The following ZMIZ1 variants were observed in gnomAD, a reference collection of about 807,000 sequenced individuals.
The protein encoded by ZMIZ1 is zinc finger MIZ domain-containing protein 1.
Under a neutral mutation model 113.9 loss-of-function variants are expected in ZMIZ1, and 17 were observed. The observed-to-expected ratio is 0.15, with a 90% CI of 0.10 to 0.22. The LOEUF is 0.22. Among genes scored for constraint, ZMIZ1 ranks in the 10% least tolerant of loss-of-function variants. ZMIZ1 has a pLI of 1.00. For synonymous variants in ZMIZ1, 607 were observed against 603.1 expected, an observed-to-expected ratio of 1.01 and a Z score of -0.09; for missense variants, 1,059 against 1,477.8, an observed-to-expected ratio of 0.72 and a Z score of 4.65.
rs531819050 is a variant in ZMIZ1, at chr10:79,203,439, C to T, written c.60+1747C>T. Among the ~76,000 whole-genome samples the T allele has an allele frequency of 1.2e-4, 18 of 152,228 alleles. No individual in the cohort carries two copies. In the South Asian group the frequency reaches 3.7e-3, roughly 32 times the overall value. The stretch of plus-strand genomic sequence containing the variant: ...GACGCCAAGACTCCCTCCTCCCCCA[C>T]ACTCCCTCCTCCCACTCAGGGTTCT... On this transcript the variant is annotated intron_variant, in intron 5 of 24. Transcript: ENST00000334512.
chr10:79,125,185 C>T (rs1015900997), intron 2 of ZMIZ1, among the ~76,000 whole-genome samples: 50 of 152,190 alleles, frequency 3.3e-4, no homozygotes, highest in Admixed American at 5.2e-4. Context: ...CAAGATAAAG[C>T]GACCGACGAT....
At position 79,260,706 on chromosome 10, in the gene ZMIZ1, A is replaced by G. The variant is rs554571173; in HGVS notation, c.281-16475A>G. Among the ~76,000 whole-genome samples the G allele has an allele frequency of 4.9e-4, 74 of 152,342 alleles. No homozygotes were observed. The Middle Eastern group carries it at 0.01, about 21-fold the overall frequency. The stretch of plus-strand genomic sequence containing the variant: ...AGAAATGGAACGGTGAGGTGGAATC[A>G]TCGGATGTGATGGGGAAACTGGGTT... On this transcript the variant is annotated intron_variant, in intron 7 of 24. Coordinates refer to ENST00000334512, the MANE Select transcript of ZMIZ1 (RefSeq NM_020338.4).
chr10:79,293,319 T>A, intron 11 of ZMIZ1, 62 bp from the exon 12 acceptor site: 2 of 1,429,066 alleles, frequency 1.4e-6, no homozygotes, highest in Non-Finnish European at 1.9e-6. Flanking sequence ...GCACTTTCAA[T>A]GCATGTGGCA....
intron 6 of ZMIZ1, among the ~76,000 whole-genome samples, chr10:79,210,740 C>T (rs997308214): frequency 6.6e-5 from 10 of 152,150 alleles, no homozygotes; most frequent in Non-Finnish European, 1.2e-4. Context: ...AAAGTCTGGG[C>T]ATTATTTGGA....
chr10:79,153,397 T>C (rs1845781864), intron 3 of ZMIZ1, among the ~76,000 whole-genome samples: 1 of 152,256 alleles, frequency 6.6e-6, no homozygotes, highest in African/African-American at 2.4e-5. Context: ...GGGAGGCACT[T>C]GCCTAGGTCA....
intron 7 of ZMIZ1, among the ~76,000 whole-genome samples, chr10:79,216,715 G>A (rs11002875): frequency 0.092 from 14,031 of 152,282 alleles, 767 homozygotes; most frequent in South Asian, 0.17. Context: ...GCCTAGGCCT[G>A]TACTTCAGAG....
chr10:79,131,716 A>T (rs1365425143), intron 2 of ZMIZ1, among the ~76,000 whole-genome samples: 1 of 151,692 alleles, frequency 6.6e-6, no homozygotes, highest in Non-Finnish European at 1.5e-5. Context: ...CTGCCCCCTG[A>T]GTTGGGGCTG....
At chr10:79,301,859 G>A (rs1440741028) in intron 17 of ZMIZ1, among the ~76,000 whole-genome samples, 2 of 152,156 alleles carry the variant, frequency 1.3e-5, no homozygotes, top group Admixed American at 6.5e-5. Context: ...GTGGGACCCA[G>A]GCTTAAAGCC....
At chr10:79,153,202 G>A (rs1392808291) in intron 3 of ZMIZ1, among the ~76,000 whole-genome samples, 1 of 152,252 alleles carries the variant, frequency 6.6e-6, no homozygotes, top group African/African-American at 2.4e-5. Context: ...CCTGGGCCAT[G>A]CTCTGGGCAG....
chr10:79,133,830 C>G (rs1047867846), intron 2 of ZMIZ1, among the ~76,000 whole-genome samples: 1 of 152,198 alleles, frequency 6.6e-6, no homozygotes, highest in Admixed American at 6.5e-5. Flanking sequence ...TCTGATTCCT[C>G]GGAGCATGCA....
At chr10:79,157,271 C>T (rs549992650) in intron 3 of ZMIZ1, among the ~76,000 whole-genome samples, 1 of 151,992 alleles carries the variant, frequency 6.6e-6, no homozygotes, top group South Asian at 2.1e-4. Context: ...TGGAGTGGGG[C>T]AGTGAGAGCT....
At chr10:79,255,763 G>T (rs1001859333) in intron 7 of ZMIZ1, among the ~76,000 whole-genome samples, 1 of 151,940 alleles carries the variant, frequency 6.6e-6, no homozygotes, top group Non-Finnish European at 1.5e-5. Flanking sequence ...GAAATAAACC[G>T]TCCCTCCCCA....
intron 3 of ZMIZ1, among the ~76,000 whole-genome samples, chr10:79,151,556 G>T (rs933406531): frequency 6.6e-6 from 1 of 152,228 alleles, no homozygotes; most frequent in African/African-American, 2.4e-5. Context: ...GCCCAAGTGG[G>T]TGTCAGCACC....
chr10:79,181,031 G>C (rs541442828), intron 4 of ZMIZ1, among the ~76,000 whole-genome samples: 5 of 152,350 alleles, frequency 3.3e-5, no homozygotes, highest in African/African-American at 4.8e-5. Flanking sequence ...CCAAGGCCAC[G>C]AGGGAGTCAG....
intron 7 of ZMIZ1, 111 bp downstream of exon 7, chr10:79,216,385 T>G (rs1459387851): frequency 1.1e-6 from 1 of 932,884 alleles, no homozygotes; most frequent in Admixed American, 2.9e-5. Context: ...TTTGTCTAGG[T>G]GTAGTGCGAA....
At chr10:79,302,012 G>T in intron 17 of ZMIZ1, 95 bp from the exon 18 acceptor site, 1 of 1,282,348 alleles carries the variant, frequency 7.8e-7, no homozygotes. Flanking sequence ...GGCCGGCTGT[G>T]GGATCCTGGG....
intron 7 of ZMIZ1, among the ~76,000 whole-genome samples, chr10:79,248,499 G>A (rs1229318344): frequency 1.1e-4 from 17 of 152,196 alleles, no homozygotes; most frequent in Admixed American, 1.1e-3. Context: ...TCTAGGAGCA[G>A]GGCTGCTGCT....
chr10:79,088,599 G>A (rs1842889541), intron 1 of ZMIZ1, among the ~76,000 whole-genome samples: 3 of 152,148 alleles, frequency 2.0e-5, no homozygotes, highest in Admixed American at 1.3e-4. Flanking sequence ...CCTGGGACTC[G>A]GCCCCTACAG....
intron 8 of ZMIZ1, among the ~76,000 whole-genome samples, chr10:79,284,230 G>C (rs990087940): frequency 6.6e-6 from 1 of 152,166 alleles, no homozygotes; most frequent in Admixed American, 6.5e-5. Flanking sequence ...CATGTAAACT[G>C]TCTACTGTGA....
Sources: gnomAD v4.1 joint callset for allele counts (sites outside exome capture counted in the v4.1 genomes callset) on GRCh38, gnomAD v4.1.1 for gene constraint, MANE v1.5 for transcripts, NCBI Gene and HGNC (gene_info 2026-07-23, HGNC 2026-07-21) for gene names.